FER: variants seen among roughly 807,000 people sequenced by gnomAD.
FER encodes tyrosine-protein kinase Fer.
FER carries 63 observed loss-of-function variants against 111.0 expected under a neutral mutation model. That is an observed-to-expected ratio of 0.57 (90% CI 0.46 to 0.70). The LOEUF (loss-of-function observed/expected upper bound fraction) is 0.70, where lower values mean the gene tolerates loss of function less well. Ranked by LOEUF, FER falls within the 30% of genes least tolerant of loss-of-function variation. The probability of loss-of-function intolerance (pLI) is 0.00; values close to 1 mark genes in which losing one functional copy is unlikely to be tolerated. For missense variants in FER, 914 were observed against 954.0 expected (o/e 0.96, Z 0.55); for synonymous variants, 327 against 313.9 (o/e 1.04, Z -0.44).
At chr5:108,896,151 A>G (rs1030035904) in intron 9 of FER, among the ~76,000 whole-genome samples, 59 of 151,358 alleles carry the variant, frequency 3.9e-4, no homozygotes, top group African/African-American at 1.4e-3. Flanking sequence ...TATTGTTGTC[A>G]TTGTTGGAGT....
intron 16 of FER, among the ~76,000 whole-genome samples, chr5:109,056,290 C>A (rs924241561): frequency 6.6e-6 from 1 of 152,170 alleles, no homozygotes; most frequent in African/African-American, 2.4e-5. Context: ...TGCAGTGTTA[C>A]TCACGATAGC....
intron 1 of FER, among the ~76,000 whole-genome samples, chr5:108,755,839 C>T (rs1751036029): frequency 6.6e-6 from 1 of 151,026 alleles, no homozygotes; most frequent in South Asian, 2.1e-4. Flanking sequence ...GCAGCTATAC[C>T]ACATCTTGTT....
intron 16 of FER, among the ~76,000 whole-genome samples, chr5:109,062,054 T>C (rs2149968137): frequency 1.1e-5 from 1 of 91,170 alleles, no homozygotes; most frequent in South Asian, 3.5e-4. Flanking sequence ...TGCTTGCTTA[T>C]GAGTTGCTGG....
chr5:108,858,065 A>G (rs1003274288), intron 5 of FER, among the ~76,000 whole-genome samples: 2 of 152,228 alleles, frequency 1.3e-5, no homozygotes, highest in African/African-American at 4.8e-5. Flanking sequence ...TAATTGACAG[A>G]CACAGGAAAT....
chr5:108,924,360 C>CAAA lies in FER; in HGVS notation c.1237-21750_1237-21748dup, dbSNP rs59469649. Reference sequence around the variant, plus strand: ...GGGCGACAAGAGCGAAACTCTGTCTCAAAAAAAAAAAAAAAAAAAAAATCA... The same window carrying CAAA: ...GGGCGACAAGAGCGAAACTCTGTCTCAAAAAAAAAAAAAAAAAAAAAAAAATCA... On this transcript the variant is annotated intron_variant, in intron 10 of 19. Transcript: ENST00000281092. 1.3e-4 allele frequency among the ~76,000 whole-genome samples: 13 copies of CAAA among 99,066 alleles called. No homozygotes were observed. In the South Asian group the frequency reaches 1.8e-3, roughly 14 times the overall value. 65.0% of individuals were successfully genotyped at this position (99,066 alleles called of 152,430 possible).
At chr5:109,051,797 C>G in intron 16 of FER, 8 of 1,595,714 alleles carry the variant, frequency 5.0e-6, no homozygotes, top group Non-Finnish European at 6.9e-6. Context: ...ATATTCAAGG[C>G]CAGGGACACC....
intron 13 of FER, among the ~76,000 whole-genome samples, chr5:109,025,136 GT>G (rs1289655171): frequency 7.2e-5 from 11 of 151,972 alleles, no homozygotes; most frequent in Non-Finnish European, 1.3e-4. Context: ...CTTTAAAGTA[GT>G]TTTTTCCAAT....
At chr5:108,973,687 A>G (rs1760970426) in intron 13 of FER, among the ~76,000 whole-genome samples, 1 of 152,162 alleles carries the variant, frequency 6.6e-6, no homozygotes, top group Non-Finnish European at 1.5e-5. Flanking sequence ...TGTGTCTCTT[A>G]GTAATCAAGG....
At chr5:109,030,822 C>T (rs1313039171) in intron 13 of FER, among the ~76,000 whole-genome samples, 1 of 152,162 alleles carries the variant, frequency 6.6e-6, no homozygotes, top group Admixed American at 6.6e-5. Flanking sequence ...TGCATGGAGA[C>T]AAAGAGACTT....
intron 13 of FER, among the ~76,000 whole-genome samples, chr5:108,989,666 T>C (rs1195473818): frequency 1.3e-5 from 2 of 151,984 alleles, no homozygotes; most frequent in African/African-American, 4.8e-5. Flanking sequence ...TTTCTAAACA[T>C]TTTTGTATCT....
intron 17 of FER, among the ~76,000 whole-genome samples, chr5:109,137,898 C>G (rs188850872): frequency 1.7e-4 from 26 of 152,264 alleles, no homozygotes; most frequent in African/African-American, 6.3e-4. Flanking sequence ...GACCCATTAG[C>G]TAGTGTCTTG....
At chr5:108,939,635 A>C (rs917367912) in intron 10 of FER, among the ~76,000 whole-genome samples, 2 of 152,094 alleles carry the variant, frequency 1.3e-5, no homozygotes, top group African/African-American at 2.4e-5. Flanking sequence ...ACTTCTTTCT[A>C]AAATGCATCT....
intron 17 of FER, among the ~76,000 whole-genome samples, chr5:109,103,651 C>T (rs1008542330): frequency 6.6e-6 from 1 of 152,080 alleles, no homozygotes; most frequent in South Asian, 2.1e-4. Flanking sequence ...TAAAACTATT[C>T]TGTAGGCCAG....
At chr5:109,093,600 T>A (rs1184989622) in intron 16 of FER, among the ~76,000 whole-genome samples, 1 of 152,174 alleles carries the variant, frequency 6.6e-6, no homozygotes, top group Non-Finnish European at 1.5e-5. Context: ...GATCTTAATA[T>A]CCCTAAAATA....
chr5:108,819,987 G>C, intron 3 of FER: 12 of 985,118 alleles, frequency 1.2e-5, no homozygotes, highest in Non-Finnish European at 1.4e-5. Flanking sequence ...AGGATAATCT[G>C]GAACTACAGG....
At chr5:108,950,732 A>G (rs1462539565) in intron 11 of FER, among the ~76,000 whole-genome samples, 1 of 152,198 alleles carries the variant, frequency 6.6e-6, no homozygotes, top group East Asian at 1.9e-4. Flanking sequence ...TATATTAAAC[A>G]TTTAGTATAT....
intron 18 of FER, among the ~76,000 whole-genome samples, chr5:109,183,596 T>C (rs1193467247): frequency 6.6e-6 from 1 of 152,166 alleles, no homozygotes; most frequent in Non-Finnish European, 1.5e-5. Context: ...TTCTTCACTC[T>C]TGTCTCACTC....
At chr5:108,912,548 G>A (rs1238006886) in intron 10 of FER, among the ~76,000 whole-genome samples, 1 of 152,140 alleles carries the variant, frequency 6.6e-6, no homozygotes, top group Non-Finnish European at 1.5e-5. Context: ...TTTTAGTAGA[G>A]ACTGGGTTTT....
rs553875083 is a variant in FER at position 109,190,066 on chromosome 5, A to AACTT, written c.*2494_*2497dup. 2.0e-5 allele frequency: 3 copies of AACTT among 152,168 alleles called. No individual in the cohort carries two copies. Among genetic ancestry groups the AACTT allele is most frequent in the African/African-American group, 7.2e-5 (3 of 41,454 alleles). 9.4% of individuals were successfully genotyped at this position (152,168 alleles called of 1,614,324 possible). On this transcript the variant is annotated 3_prime_UTR_variant, in exon 20 of 20. Transcript: ENST00000281092. ...TAATATAGTCACATGCATTAAGAAA[A>AACTT]ACTTACGCAAACAGTTTTTCACTGT...
Sources: gnomAD v4.1 joint callset for allele counts (sites outside exome capture counted in the v4.1 genomes callset) on GRCh38, gnomAD v4.1.1 for gene constraint, MANE v1.5 for transcripts, NCBI Gene and HGNC (gene_info 2026-07-23, HGNC 2026-07-21) for gene names.